Variants in PDE4D observed in about 807,000 individuals in gnomAD.
The protein encoded by PDE4D is 3',5'-cyclic-AMP phosphodiesterase 4D.
Under a neutral mutation model 87.4 loss-of-function variants are expected in PDE4D, and 24 were observed. The observed-to-expected ratio is 0.27, with a 90% CI of 0.20 to 0.39. PDE4D has a LOEUF of 0.39. Ranked by LOEUF, PDE4D falls within the 10% of genes least tolerant of loss-of-function variation. The probability of loss-of-function intolerance (pLI) is 1.00; values close to 1 mark genes in which losing one functional copy is unlikely to be tolerated. For missense variants in PDE4D, 714 were observed against 1,041.0 expected (o/e 0.69, Z 4.32); for synonymous variants, 384 against 383.2 (o/e 1.00, Z -0.02).
At position 59,969,321 on chromosome 5, in the gene PDE4D, T is replaced by C. The variant is rs1482999998; in HGVS notation, c.272+19167A>G. The stretch of plus-strand genomic sequence containing the variant: ...AAAGGAAGACTATCTGAAGAATAGA[T>C]ATTTTATTAGGAGGAAAGATGGGAG... On this transcript the variant is annotated intron_variant, in intron 3 of 16. Coordinates refer to the PDE4D transcript ENST00000502484. Among the ~76,000 whole-genome samples the C allele has an allele frequency of 2.0e-5, 3 of 152,178 alleles. No homozygotes were observed. The East Asian group carries it at 5.8e-4, about 29-fold the overall frequency.
chr5:60,468,130 C>CTTTCTTTT (rs1554040599), intron 1 of PDE4D, among the ~76,000 whole-genome samples: 1 of 126,186 alleles, frequency 7.9e-6, no homozygotes, highest in African/African-American at 3.1e-5. Context: ...AACTTTCTTT[C>CTTTCTTTT]TTTTTTCTTT....
Position 58,975,895 on chromosome 5 carries a change from A to AAC in PDE4D, c.1831-57_1831-56insGT. On this transcript the variant is annotated intron_variant, in intron 13 of 14. Coordinates refer to ENST00000340635, the MANE Select transcript of PDE4D (RefSeq NM_001104631.2). The surrounding 1 kb of genome is among the most constrained non-coding windows in gnomAD (Gnocchi z 4.2). ...TCCTGTTCCTTTTTTTTAAAAAAAA[A>AAC]AACAAAAAAAACTAGAAATTCACAT... 7.9e-7 allele frequency: 1 copy of AAC among 1,263,412 alleles called. No individual in the cohort carries two copies. Among genetic ancestry groups the AAC allele is most frequent in the Non-Finnish European group, 1.1e-6 (1 of 948,928 alleles). The allele number at this position is 1,263,412 out of a possible 1,614,324, so 78.3% of individuals were successfully genotyped here.
intron 1 of PDE4D, among the ~76,000 whole-genome samples, chr5:59,511,557 T>C (rs1036451266): frequency 2.0e-5 from 3 of 151,992 alleles, no homozygotes; most frequent in Non-Finnish European, 2.9e-5. Context: ...TGCACAATGG[T>C]AGCAGGGACA....
chr5:59,432,251 A>G (rs1041097958), intron 1 of PDE4D, among the ~76,000 whole-genome samples: 1 of 142,790 alleles, frequency 7.0e-6, no homozygotes, highest in African/African-American at 2.9e-5. Context: ...GGCTCATACT[A>G]TGTATAATCC....
At chr5:60,310,282 C>T (rs923903692) in intron 1 of PDE4D, among the ~76,000 whole-genome samples, 5 of 152,148 alleles carry the variant, frequency 3.3e-5, no homozygotes, top group Admixed American at 6.5e-5. Context: ...TACAGTATTA[C>T]GTTCTACAGT....
intron 1 of PDE4D, among the ~76,000 whole-genome samples, chr5:59,270,131 T>C (rs1763548963): frequency 6.6e-6 from 1 of 152,158 alleles, no homozygotes; most frequent in Non-Finnish European, 1.5e-5. Flanking sequence ...ATCTTAATCA[T>C]TTCTAAAAGC....
chr5:60,048,107 T>C (rs1021968554), intron 2 of PDE4D, among the ~76,000 whole-genome samples: 3 of 152,206 alleles, frequency 2.0e-5, no homozygotes, highest in African/African-American at 7.2e-5. Flanking sequence ...TTGATCCCTT[T>C]ACCATTATGT....
chr5:59,439,957 AT>A (rs1797348176), intron 1 of PDE4D, among the ~76,000 whole-genome samples: 1 of 152,230 alleles, frequency 6.6e-6, no homozygotes, highest in Admixed American at 6.5e-5. Context: ...ATTAGCTGCC[AT>A]CCTAAGATGT....
chr5:59,000,689 ATATTT>A (rs1750338682), intron 6 of PDE4D, among the ~76,000 whole-genome samples: 2 of 152,010 alleles, frequency 1.3e-5, no homozygotes, highest in African/African-American at 4.8e-5. Context: ...TCAGAAGAGA[ATATTT>A]TATTTATTTA....
chr5:59,616,943 A>ATATATATATATATATATC (rs1351290068), intron 1 of PDE4D, among the ~76,000 whole-genome samples: 2 of 139,162 alleles, frequency 1.4e-5, no homozygotes, highest in Non-Finnish European at 3.1e-5. Flanking sequence ...ATATATATAT[A>ATATATATATATATATATC]TATCTCCAAG....
chr5:59,831,436 T>G lies in PDE4D; in HGVS notation c.455+61732A>C, dbSNP rs73092830. 6.5e-3 allele frequency among the ~76,000 whole-genome samples: 986 copies of G among 151,958 alleles called. 7 individuals are homozygous for G. Among genetic ancestry groups the G allele is most frequent in the African/African-American group, 0.023 (952 of 41,442 alleles). ...TGAAAGAATGGGTTATTTTTAATAA[T>G]GATAACAACAATGGTAGTTTGTAGT... On this transcript the variant is annotated intron_variant, in intron 1 of 14. Coordinates refer to ENST00000340635, the MANE Select transcript of PDE4D (RefSeq NM_001104631.2).
At chr5:59,752,061 C>T (rs1760559243) in intron 1 of PDE4D, among the ~76,000 whole-genome samples, 1 of 152,182 alleles carries the variant, frequency 6.6e-6, no homozygotes, top group African/African-American at 2.4e-5. Flanking sequence ...TCCAACCACT[C>T]TTTATGCTTA....
At chr5:59,150,840 T>G (rs1779374418) in intron 5 of PDE4D, among the ~76,000 whole-genome samples, 1 of 152,110 alleles carries the variant, frequency 6.6e-6, no homozygotes, top group Non-Finnish European at 1.5e-5. Context: ...AATTTTTAAA[T>G]CTACTGATGG....
intron 1 of PDE4D, among the ~76,000 whole-genome samples, chr5:59,553,728 A>G (rs1486279189): frequency 6.6e-6 from 1 of 152,202 alleles, no homozygotes; most frequent in Non-Finnish European, 1.5e-5. Context: ...TATGCCACTG[A>G]GAAAGATTAA....
intron 1 of PDE4D, among the ~76,000 whole-genome samples, chr5:59,564,110 T>A (rs1477214541): frequency 6.6e-6 from 1 of 152,220 alleles, no homozygotes; most frequent in Non-Finnish European, 1.5e-5. Context: ...AAGTTACTTA[T>A]TCTTTGTTTT....
chr5:59,022,610 G>A (rs1755404211), intron 6 of PDE4D, among the ~76,000 whole-genome samples: 1 of 152,060 alleles, frequency 6.6e-6, no homozygotes, highest in South Asian at 2.1e-4. Flanking sequence ...TTACAGCTCA[G>A]ATTCTCAGAT....
chr5:60,209,307 T>C (rs1742927073), intron 1 of PDE4D, among the ~76,000 whole-genome samples: 1 of 151,572 alleles, frequency 6.6e-6, no homozygotes, highest in African/African-American at 2.4e-5. Flanking sequence ...ATACGTAGCT[T>C]CCCGTTTTCC....
chr5:59,168,924 G>A (rs1782310769), intron 5 of PDE4D, among the ~76,000 whole-genome samples: 1 of 152,026 alleles, frequency 6.6e-6, no homozygotes, highest in Non-Finnish European at 1.5e-5. Flanking sequence ...GAATAGCAAC[G>A]GTGTCTACCT....
At chr5:58,982,635 A>T (rs1442222370) in intron 11 of PDE4D, among the ~76,000 whole-genome samples, 1 of 152,074 alleles carries the variant, frequency 6.6e-6, no homozygotes, top group Admixed American at 6.6e-5. Context: ...ATCCCCCCAA[A>T]ATGGTGTTAT....
Sources: allele counts gnomAD v4.1 joint callset (sites outside exome capture counted in the v4.1 genomes callset), GRCh38; gene constraint gnomAD v4.1.1; non-coding constraint Gnocchi (gnomAD v3.1); transcripts MANE v1.5; gene names NCBI Gene and HGNC (gene_info 2026-07-23, HGNC 2026-07-21).